ASAP2: variants seen among roughly 807,000 people sequenced by gnomAD.
ASAP2 encodes the protein arf-GAP with SH3 domain, ANK repeat and PH domain-containing protein 2.
In ASAP2, 45 loss-of-function variants were observed where a neutral mutation model predicts 131.4. The ratio of observed to expected loss-of-function variants is 0.34; its 90% CI spans 0.27 to 0.44. The LOEUF (loss-of-function observed/expected upper bound fraction) is 0.44, where lower values mean the gene tolerates loss of function less well. Among genes scored for constraint, ASAP2 ranks in the 20% least tolerant of loss-of-function variants. The pLI is 1.00. For synonymous variants in ASAP2, 510 were observed against 503.0 expected (o/e 1.01, Z -0.19); for missense variants, 1,011 against 1,297.0 (o/e 0.78, Z 3.39).
chr2:9,387,076 G>A (rs901125867), intron 21 of ASAP2, among the ~76,000 whole-genome samples: 3 of 125,968 alleles, frequency 2.4e-5, no homozygotes, highest in African/African-American at 1.0e-4. Flanking sequence ...CTTGGTGGTG[G>A]GTGGGGGGGC....
At chr2:9,228,073 T>C (rs950744256) in intron 1 of ASAP2, among the ~76,000 whole-genome samples, 2 of 152,244 alleles carry the variant, frequency 1.3e-5, no homozygotes, top group African/African-American at 4.8e-5. Context: ...TCTATAATTA[T>C]AATTGAAATG....
rs1394613008 is a variant in ASAP2 at position 9,383,380 on chromosome 2, G to A, written c.2017-1865G>A. On this transcript the variant is annotated intron_variant, in intron 20 of 27. Transcript: ENST00000281419. ...AGCGATCCTCTCACCTCAGCCTCCCGAGTAGCTGAGACTACAGATGCATGC... is the reference window on the plus strand; with the variant it reads ...AGCGATCCTCTCACCTCAGCCTCCCAAGTAGCTGAGACTACAGATGCATGC... 3.3e-5 allele frequency among the ~76,000 whole-genome samples: 5 copies of A among 152,044 alleles called. No individual in the cohort carries two copies. The East Asian group carries it at 5.8e-4, about 18-fold the overall frequency.
At chr2:9,348,979 C>G (rs1672158727) in intron 11 of ASAP2, among the ~76,000 whole-genome samples, 1 of 152,134 alleles carries the variant, frequency 6.6e-6, no homozygotes, top group South Asian at 2.1e-4. Flanking sequence ...TTGTTGGAAT[C>G]CTAGCTTCCC....
chr2:9,291,004 T>G (rs1018954364), intron 2 of ASAP2, among the ~76,000 whole-genome samples: 1 of 152,224 alleles, frequency 6.6e-6, no homozygotes, highest in Admixed American at 6.5e-5. Flanking sequence ...TTTCACTTTT[T>G]GCAAAATTGA....
At chr2:9,339,075 A>G (rs1671413270) in intron 9 of ASAP2, among the ~76,000 whole-genome samples, 2 of 152,148 alleles carry the variant, frequency 1.3e-5, no homozygotes. Flanking sequence ...GCTACCCGGG[A>G]GGCTGAGGTG....
At chr2:9,283,018 C>A (rs986624941) in intron 2 of ASAP2, among the ~76,000 whole-genome samples, 1 of 152,244 alleles carries the variant, frequency 6.6e-6, no homozygotes, top group African/African-American at 2.4e-5. Flanking sequence ...TTTCATCAAG[C>A]CTTAGCTCTC....
chr2:9,253,885 A>C (rs937318300), intron 1 of ASAP2, among the ~76,000 whole-genome samples: 2 of 152,028 alleles, frequency 1.3e-5, no homozygotes, highest in Non-Finnish European at 2.9e-5. Context: ...TATTTTGAGA[A>C]AGAGACCACA....
intron 12 of ASAP2, among the ~76,000 whole-genome samples, chr2:9,352,547 A>G (rs1258675284): frequency 6.6e-6 from 1 of 152,242 alleles, no homozygotes; most frequent in African/African-American, 2.4e-5. Flanking sequence ...GCTAGATGCC[A>G]TATGTGCAGA....
intron 22 of ASAP2, among the ~76,000 whole-genome samples, chr2:9,390,205 A>G (rs989166407): frequency 2.2e-4 from 34 of 151,564 alleles, no homozygotes; most frequent in African/African-American, 8.0e-4. Context: ...TGCCATCTCC[A>G]CCATTCTCTG....
intron 15 of ASAP2, among the ~76,000 whole-genome samples, chr2:9,367,368 A>G (rs1356211389): frequency 6.6e-6 from 1 of 152,132 alleles, no homozygotes; most frequent in African/African-American, 2.4e-5. Flanking sequence ...AAATATCACA[A>G]GCGTCACTGA....
In ASAP2 at chr2:9,388,489, C is replaced by G. The variant is rs756776792; in HGVS notation, c.2326C>G (p.Pro776Ala). 3.7e-6 allele frequency: 6 copies of G among 1,613,950 alleles called. No homozygotes were observed. The highest frequency in any genetic ancestry group is 5.1e-6 in the Non-Finnish European group (6 of 1,179,940). Residue 776 changes from proline to alanine, a missense_variant, in exon 22 of 28, where the codon CCT becomes GCT. Coordinates refer to ENST00000281419, the MANE Select transcript of ASAP2 (RefSeq NM_003887.3). ...GAGTGGCAGCCCACCTCCCGCCCAG[C>G]CTGCAGCCCCCAGCACCACCAGCGC... ...LLSGSPPPAQ[P>A]AAPSTTSAPP... is the part of the protein sequence containing the mutation.
At chr2:9,216,879 G>A (rs1046832902) in intron 1 of ASAP2, among the ~76,000 whole-genome samples, 2 of 152,076 alleles carry the variant, frequency 1.3e-5, no homozygotes, top group Non-Finnish European at 2.9e-5. Flanking sequence ...TATTATAGGC[G>A]TGAACCACCG....
intron 1 of ASAP2, among the ~76,000 whole-genome samples, chr2:9,236,512 C>T (rs1312002278): frequency 6.6e-6 from 1 of 152,018 alleles, no homozygotes; most frequent in African/African-American, 2.4e-5. Flanking sequence ...TTAAAATTGT[C>T]TCTGTACTGA....
At position 9,207,098 on chromosome 2, in the gene ASAP2, C is replaced by CG. The variant is rs1661163365; in HGVS notation, c.-6dup. ...CGGCTGTGCGCCAGCGCCCTCGCGC[C>CG]GAGGCGATGCCGGACCAGATCTCCG... On this transcript the variant is annotated 5_prime_UTR_variant, in exon 1 of 28. Transcript: ENST00000281419. This position sits in a 1 kb window ranked among gnomAD's most constrained non-coding sequence, Gnocchi z 4.1. The CG allele has an allele frequency of 6.4e-7, 1 of 1,574,310 alleles. No individual in the cohort carries two copies. The highest frequency in any genetic ancestry group is 8.6e-7 in the Non-Finnish European group (1 of 1,161,340).
rs553850659 is a variant in ASAP2, at chr2:9,344,098, A to C, written c.850-434A>C. ...GCCCAAGAAGGGAACTGAGGCTGAG[A>C]GCTTATGTGATGGTTCTGTAGTAAG... On this transcript the variant is annotated intron_variant, in intron 9 of 27. Transcript: ENST00000281419. 2.6e-5 allele frequency among the ~76,000 whole-genome samples: 4 copies of C among 152,130 alleles called. No homozygotes were observed. The East Asian group carries it at 5.8e-4, about 22-fold the overall frequency.
Position 9,356,211 on chromosome 2 carries a change from A to T in ASAP2, c.1193A>T (p.Glu398Val). ...WMSVLQNSKEEALNNAFKGDD... is the reference protein window; with the variant it reads ...WMSVLQNSKEVALNNAFKGDD... ...TCTGTGCTGCAAAATAGCAAAGAAG[A>T]AGCTTTAAACAATGCATTTAAGGGG... Residue 398 changes from glutamate to valine, a missense_variant, in exon 14 of 28, where the codon GAA (glutamate) becomes GTA (valine). By Grantham distance (121) the Glu-to-Val change is moderately radical. This residue lies in a region of ASAP2 where 359 missense variants were observed against 598.1 expected (regional missense o/e 0.60). Transcript: ENST00000281419. 2 of 1,614,118 alleles carry T rather than the reference A, an allele frequency of 1.2e-6. No individual in the cohort carries two copies. The highest frequency in any genetic ancestry group is 8.5e-7 in the Non-Finnish European group (1 of 1,179,978).
At chr2:9,316,769 AG>A (rs1669699122) in intron 3 of ASAP2, among the ~76,000 whole-genome samples, 1 of 152,036 alleles carries the variant, frequency 6.6e-6, no homozygotes. Context: ...GTTGGTTAGG[AG>A]GCTTCCATTC....
At position 9,388,448 on chromosome 2, in the gene ASAP2, C is replaced by T. The variant is rs1411510680; in HGVS notation, c.2285C>T (p.Thr762Ile). The T allele has an allele frequency of 6.2e-7, 1 of 1,614,182 alleles. No individual in the cohort carries two copies. Among genetic ancestry groups the T allele is most frequent in the African/African-American group, 1.3e-5 (1 of 75,046 alleles). Residue 762 changes from threonine to isoleucine, a missense_variant, in exon 22 of 28, where the codon ACT becomes ATT. This residue lies in a region of ASAP2 where 652 missense variants were observed against 698.9 expected (regional missense o/e 0.93). Transcript: ENST00000281419. ...AFMPSILQNE[T>I]YGALLSGSPP... The stretch of plus-strand genomic sequence containing the variant: ...ATGCCCAGCATCTTGCAGAATGAGA[C>T]TTACGGAGCCCTCCTGAGTGGCAGC...
At chr2:9,313,578 G>GCGA (rs1193295828) in intron 3 of ASAP2, among the ~76,000 whole-genome samples, 6 of 152,230 alleles carry the variant, frequency 3.9e-5, no homozygotes, top group South Asian at 4.1e-4. Context: ...CTGCCGGACA[G>GCGA]CGACTCTAAT....
Sources: gnomAD v4.1 joint callset for allele counts (sites outside exome capture counted in the v4.1 genomes callset) on GRCh38, gnomAD v4.1.1 for gene constraint, gnomAD v4.1.1 regional missense constraint, Gnocchi (gnomAD v3.1) non-coding constraint, MANE v1.5 for transcripts, NCBI Gene and HGNC (gene_info 2026-07-23, HGNC 2026-07-21) for gene names.